Variants in FER observed in about 807,000 individuals in gnomAD.
The protein encoded by FER is FER tyrosine kinase.
Under a neutral mutation model 111.0 loss-of-function variants are expected in FER, and 63 were observed. The observed-to-expected ratio is 0.57, with a 90% CI of 0.46 to 0.70. FER has a LOEUF of 0.70. FER is among the 30% of genes least tolerant of loss of function. The probability of loss-of-function intolerance (pLI) is 0.00; values close to 1 mark genes in which losing one functional copy is unlikely to be tolerated. For missense variants in FER, 914 were observed against 954.0 expected (o/e 0.96, Z 0.55); for synonymous variants, 327 against 313.9 (o/e 1.04, Z -0.44).
chr5:109,191,464 C>T lies in FER; in HGVS notation c.*3889C>T, dbSNP rs1213803870. The stretch of plus-strand genomic sequence containing the variant: ...ACAAAATTGGCTGCCCTGGTTAGTG[C>T]TGAGTCATCGCAAGACTTGCTTTTG... On this transcript the variant is annotated 3_prime_UTR_variant, in exon 20 of 20. Transcript: ENST00000281092. 1 of 152,086 alleles carries T rather than the reference C, an allele frequency of 6.6e-6. No homozygotes were observed. The highest frequency in any genetic ancestry group is 1.5e-5 in the Non-Finnish European group (1 of 68,002). The allele number at this position is 152,086 out of a possible 1,614,324, so 9.4% of individuals were successfully genotyped here.
intron 5 of FER, among the ~76,000 whole-genome samples, chr5:108,856,195 G>T (rs1762991133): frequency 6.6e-6 from 1 of 152,162 alleles, no homozygotes; most frequent in African/African-American, 2.4e-5. Flanking sequence ...AAAAAGGTTA[G>T]ATATGCTGGT....
At chr5:108,813,716 C>G (rs981843273) in intron 3 of FER, among the ~76,000 whole-genome samples, 2 of 152,086 alleles carry the variant, frequency 1.3e-5, no homozygotes, top group Non-Finnish European at 2.9e-5. Flanking sequence ...CCTTTCGTAA[C>G]CCTATTAATG....
chr5:108,792,224 C>T (rs1755458044), intron 2 of FER, among the ~76,000 whole-genome samples: 1 of 152,004 alleles, frequency 6.6e-6, no homozygotes, highest in African/African-American at 2.4e-5. Flanking sequence ...AAAAAGCTAG[C>T]CGAGATATTA....
Position 108,787,464 on chromosome 5 carries a change from G to C in FER, c.-59-10660G>C, listed in dbSNP as rs76868298. Among the ~76,000 whole-genome samples the C allele has an allele frequency of 4.9e-4, 74 of 152,288 alleles. 1 individual carries two copies. The East Asian group carries it at 0.013, about 27-fold the overall frequency. On this transcript the variant is annotated intron_variant, in intron 2 of 19. Coordinates refer to ENST00000281092, the MANE Select transcript of FER (RefSeq NM_005246.4). Reference sequence around the variant, plus strand: ...GGGTCCCTGGTGAAACTTTACCTCAGGCCAGCGATGGCCTGAAGCCTGGGG... The same window carrying C: ...GGGTCCCTGGTGAAACTTTACCTCACGCCAGCGATGGCCTGAAGCCTGGGG...
rs140228323 is a variant in FER, at chr5:109,154,837, C to G, written c.2049-25910C>G. 3.3e-5 allele frequency among the ~76,000 whole-genome samples: 5 copies of G among 151,916 alleles called. No individual in the cohort carries two copies. In the East Asian group the frequency reaches 9.7e-4, roughly 29 times the overall value. ...ATAATAGTGAAAGATCCAATATTAG[C>G]TAAGAAAAGTTAGACATACGCTATA... On this transcript the variant is annotated intron_variant, in intron 17 of 19. Coordinates refer to ENST00000281092, the MANE Select transcript of FER (RefSeq NM_005246.4).
chr5:108,994,587 A>C (rs1291403982), intron 13 of FER, among the ~76,000 whole-genome samples: 1 of 152,068 alleles, frequency 6.6e-6, no homozygotes, highest in Admixed American at 6.6e-5. Flanking sequence ...TATCTTGGCT[A>C]TTTGGGGTCT....
chr5:108,842,441 GA>G (rs1453446461), intron 5 of FER: 1 of 151,832 alleles, frequency 6.6e-6, no homozygotes, highest in Non-Finnish European at 1.5e-5. Flanking sequence ...ACAGCAAAAG[GA>G]ACAGTCAGCA....
intron 3 of FER, among the ~76,000 whole-genome samples, chr5:108,815,982 G>T (rs149855979): frequency 6.6e-6 from 1 of 152,160 alleles, no homozygotes; most frequent in African/African-American, 2.4e-5. Context: ...GTTAATGAGA[G>T]GATCACCTGA....
intron 6 of FER, 117 bp from the exon 7 acceptor site, chr5:108,871,248 A>C (rs1764570400): frequency 1.3e-6 from 1 of 750,558 alleles, no homozygotes. Context: ...TACAGGAAAC[A>C]ACCATCTGTA....
intron 9 of FER, among the ~76,000 whole-genome samples, chr5:108,893,048 C>T (rs891543604): frequency 1.3e-5 from 2 of 152,120 alleles, no homozygotes; most frequent in African/African-American, 2.4e-5. Context: ...GGTACCAGTA[C>T]CATGCTGTTT....
At chr5:108,836,741 A>G (rs973182133) in intron 5 of FER, among the ~76,000 whole-genome samples, 3 of 152,100 alleles carry the variant, frequency 2.0e-5, no homozygotes, top group Admixed American at 6.5e-5. Flanking sequence ...TTCCCAGTAC[A>G]CTAGAAGTGA....
rs1752531146 is a variant in FER, at chr5:108,768,218, C to G, written c.-80C>G. 1 of 152,136 alleles carries G rather than the reference C, an allele frequency of 6.6e-6. No homozygotes were observed. Among genetic ancestry groups the G allele is most frequent in the Non-Finnish European group, 1.5e-5 (1 of 68,040 alleles). The allele number at this position is 152,136 out of a possible 1,614,324, so 9.4% of individuals were successfully genotyped here. Reference sequence around the variant, plus strand: ...ACACGCTACTTTAGCTAAGGCATGACCAGCAATGAACAGTAGTAAGGTAGG... The same window carrying G: ...ACACGCTACTTTAGCTAAGGCATGAGCAGCAATGAACAGTAGTAAGGTAGG... On this transcript the variant is annotated 5_prime_UTR_variant, in exon 2 of 20. Transcript: ENST00000281092.
chr5:109,063,855 T>A (rs986590921), intron 16 of FER, among the ~76,000 whole-genome samples: 1 of 152,162 alleles, frequency 6.6e-6, no homozygotes, highest in African/African-American at 2.4e-5. Context: ...AAGTTTCAAT[T>A]TGGGAGAATG....
chr5:109,134,965 C>T (rs1030901082), intron 17 of FER, among the ~76,000 whole-genome samples: 14 of 152,050 alleles, frequency 9.2e-5, no homozygotes, highest in African/African-American at 3.4e-4. Context: ...GGGCAGAAAC[C>T]GTGTATATTT....
At chr5:109,155,211 G>T (rs981988660) in intron 17 of FER, among the ~76,000 whole-genome samples, 2 of 151,914 alleles carry the variant, frequency 1.3e-5, no homozygotes, top group East Asian at 3.9e-4. Context: ...TGTCTCTTAA[G>T]TAACTGATAT....
chr5:108,890,761 G>A (rs749353744), intron 9 of FER, among the ~76,000 whole-genome samples: 35 of 152,050 alleles, frequency 2.3e-4, no homozygotes, highest in Non-Finnish European at 3.2e-4. Context: ...ACCCCTAACA[G>A]TATGGATATA....
chr5:108,913,723 A>G (rs78434300), intron 10 of FER, among the ~76,000 whole-genome samples: 1 of 152,160 alleles, frequency 6.6e-6, no homozygotes, highest in African/African-American at 2.4e-5. Context: ...ACAGGAGCAC[A>G]ATTTATAATG....
chr5:108,851,281 C>T (rs1185171810), intron 5 of FER, among the ~76,000 whole-genome samples: 2 of 152,296 alleles, frequency 1.3e-5, no homozygotes, highest in South Asian at 4.1e-4. Flanking sequence ...TGGATGGCAG[C>T]AGGCAAAGAG....
intron 5 of FER, among the ~76,000 whole-genome samples, chr5:108,854,702 G>A (rs376251871): frequency 1.1e-4 from 16 of 152,118 alleles, no homozygotes; most frequent in African/African-American, 3.6e-4. Flanking sequence ...TTGGGAGGCC[G>A]AGGCAGATGG....
Sources: allele counts gnomAD v4.1 joint callset (sites outside exome capture counted in the v4.1 genomes callset), GRCh38; gene constraint gnomAD v4.1.1; transcripts MANE v1.5; gene names NCBI Gene and HGNC (gene_info 2026-07-23, HGNC 2026-07-21).